USH1G: variants seen among roughly 807,000 people sequenced by gnomAD.
USH1G encodes pre-mRNA splicing regulator USH1G.
USH1G carries 27 observed loss-of-function variants against 31.9 expected under a neutral mutation model. The observed-to-expected ratio is 0.85, with a 90% CI of 0.62 to 1.17. USH1G has a LOEUF of 1.17. Among genes scored for constraint, USH1G ranks in the 50% most tolerant of loss-of-function variants. USH1G has a pLI of 0.00. For synonymous variants in USH1G, 266 were observed against 283.2 expected (o/e 0.94, Z 0.61); for missense variants, 674 against 638.9 (o/e 1.05, Z -0.59).
chr17:74,916,980 C>T lies in USH1G; in HGVS notation c.*1093G>A, dbSNP rs690566. The T allele has an allele frequency of 0.8, 120,329 of 150,314 alleles. 48,376 individuals carry two copies. Among genetic ancestry groups the T allele is most frequent in the African/African-American group, 0.95 (38,889 of 41,146 alleles). The allele number at this position is 150,314 out of a possible 1,614,324, so 9.3% of individuals were successfully genotyped here. A position where few individuals can be genotyped will look rare whatever the true frequency, so the allele number is the denominator to read the frequency against. ...GCACGCGTTCACGTGCACACACACG[C>T]ACACATGTATGCAAGAACACACACA... On this transcript the variant is annotated 3_prime_UTR_variant, in exon 3 of 3. Coordinates refer to ENST00000614341, the MANE Select transcript of USH1G (RefSeq NM_173477.5).
chr17:74,922,919 A>G lies in USH1G; in HGVS notation c.155T>C (p.Val52Ala). The change falls in exon 1 of 3, where the codon GTG (valine) becomes GCG (alanine). Residue 52 changes from valine (V) to alanine (A), a missense_variant. Coordinates refer to ENST00000614341, the MANE Select transcript of USH1G (RefSeq NM_173477.5). The stretch of plus-strand genomic sequence containing the variant: ...GGTGGGGCGTACTCACCCGCGGCTC[A>G]CAATGAGACGCAGCGACTCGAGGTT... Reference protein sequence around the residue: ...HGNLESLRLIVSRGGDPDKCD... With the variant: ...HGNLESLRLIASRGGDPDKCD... 2 of 1,546,492 alleles carry G rather than the reference A, an allele frequency of 1.3e-6. No individual in the cohort carries two copies. The highest frequency in any genetic ancestry group is 1.2e-5 in the South Asian group (1 of 83,912).
rs1458101309 is a variant in USH1G, at chr17:74,923,022, TGAG to T, written c.49_51del (p.Leu17del). 1 of 1,581,424 alleles carries T rather than the reference TGAG, an allele frequency of 6.3e-7. No homozygotes were observed. The highest frequency in any genetic ancestry group is 2.3e-5 in the East Asian group (1 of 43,412). On this transcript the variant is annotated inframe_deletion, in exon 1 of 3. Coordinates refer to ENST00000614341, the MANE Select transcript of USH1G (RefSeq NM_173477.5). The surrounding 1 kb of genome is among the most constrained non-coding windows in gnomAD (Gnocchi z 5.3). ...TTCAGCTCCTTTCGGGTGGCCTCCTTGAGGAGCTCCAGGTAGCCATCCCGGGCT... is the reference window on the plus strand; with the variant it reads ...TTCAGCTCCTTTCGGGTGGCCTCCTTGAGCTCCAGGTAGCCATCCCGGGCT...
rs1003386408 is a variant in USH1G, at chr17:74,921,342, A to C, written c.165-671T>G. On this transcript the variant is annotated intron_variant, in intron 1 of 2. Coordinates refer to ENST00000614341, the MANE Select transcript of USH1G (RefSeq NM_173477.5). The surrounding 1 kb of genome is among the most constrained non-coding windows in gnomAD (Gnocchi z 4.6). Reference sequence around the variant, plus strand: ...GGGAAATCAGCTGCCCGTGCTCCGAAGCCCTCCCTTCCCTAGGTTGCCCCC... The same window carrying C: ...GGGAAATCAGCTGCCCGTGCTCCGACGCCCTCCCTTCCCTAGGTTGCCCCC... 3.3e-5 allele frequency among the ~76,000 whole-genome samples: 5 copies of C among 151,970 alleles called. No homozygotes were observed. Among genetic ancestry groups the C allele is most frequent in the Non-Finnish European group, 7.4e-5 (5 of 67,946 alleles).
chr17:74,918,379 G>A lies in USH1G; in HGVS notation c.1383-303C>T, dbSNP rs2038891424. On this transcript the variant is annotated intron_variant, in intron 2 of 2. Coordinates refer to ENST00000614341, the MANE Select transcript of USH1G (RefSeq NM_173477.5). The surrounding 1 kb of genome is among the most constrained non-coding windows in gnomAD (Gnocchi z 4.1). ...TTGGGGAGGGGCCAGGGCAGGGGCT[G>A]GCCACAGCATGACCATTGTGGTGGC... 6.6e-6 allele frequency among the ~76,000 whole-genome samples: 1 copy of A among 152,206 alleles called. No individual in the cohort carries two copies. Among genetic ancestry groups the A allele is most frequent in the African/African-American group, 2.4e-5 (1 of 41,454 alleles).
At position 74,919,907 on chromosome 17, in the gene USH1G, G is replaced by A. The variant is rs770784474; in HGVS notation, c.929C>T (p.Pro310Leu). 1.9e-6 allele frequency: 3 copies of A among 1,613,236 alleles called. No individual in the cohort carries two copies. Among genetic ancestry groups the A allele is most frequent in the South Asian group, 1.1e-5 (1 of 91,084 alleles). The change falls in exon 2 of 3, where the codon CCC (proline) becomes CTC (leucine). Residue 310 changes from proline to leucine, a missense_variant. Coordinates refer to ENST00000614341, the MANE Select transcript of USH1G (RefSeq NM_173477.5). This position sits in a 1 kb window ranked among gnomAD's most constrained non-coding sequence, Gnocchi z 4.5. ...GCGGAACACCATGGTGCCCAGGCCG[G>A]GGCGGGTAAACAGGGAGTCGTGGCC... ...DSGHDSLFTR[P>L]GLGTMVFRRN...
rs1018348754 is a variant in USH1G, at chr17:74,918,624, C to T, written c.1383-548G>A. 3.6e-4 allele frequency among the ~76,000 whole-genome samples: 55 copies of T among 152,240 alleles called. No individual in the cohort carries two copies. The highest frequency in any genetic ancestry group is 3.5e-3 in the Admixed American group (53 of 15,288). ...TTGAGGTCAGGAGTTCGAGACCAGC[C>T]TGGCCAACATGGCAAAACCCCATCT... is the stretch of plus-strand genomic sequence containing the variant. On this transcript the variant is annotated intron_variant, in intron 2 of 2. Coordinates refer to ENST00000614341, the MANE Select transcript of USH1G (RefSeq NM_173477.5). The surrounding 1 kb of genome is among the most constrained non-coding windows in gnomAD (Gnocchi z 4.1).
chr17:74,920,578 G>A lies in USH1G; in HGVS notation c.258C>T (p.Ser86=). 1 of 1,613,842 alleles carries A rather than the reference G, an allele frequency of 6.2e-7. No homozygotes were observed. The change falls in exon 2 of 3, where the codon TCC becomes TCT. Residue 86 remains serine (S), a synonymous_variant. Transcript: ENST00000614341. The surrounding 1 kb of genome is among the most constrained non-coding windows in gnomAD (Gnocchi z 5.2). ...GHLHCLSFLV[S]FGANIWCLDN... ...CTAGGCACCAGATGTTGGCTCCGAAGGACACCAGGAAGGACAGGCAGTGCA... is the reference window on the plus strand; with the variant it reads ...CTAGGCACCAGATGTTGGCTCCGAAAGACACCAGGAAGGACAGGCAGTGCA...
Position 74,921,782 on chromosome 17 carries a change from G to A in USH1G, c.165-1111C>T, listed in dbSNP as rs2038945967. Among the ~76,000 whole-genome samples, 1 of 152,170 alleles carries A rather than the reference G, an allele frequency of 6.6e-6. No homozygotes were observed. The highest frequency in any genetic ancestry group is 1.5e-5 in the Non-Finnish European group (1 of 68,024). ...CTCTCATGAGCCTCTCTGAAGGGAT[G>A]GCAGGGACAGTGTCACTGTGTGCCC... On this transcript the variant is annotated intron_variant, in intron 1 of 2. Coordinates refer to ENST00000614341, the MANE Select transcript of USH1G (RefSeq NM_173477.5). The surrounding 1 kb of genome is among the most constrained non-coding windows in gnomAD (Gnocchi z 4.6).
In USH1G at chr17:74,920,741, G is replaced by A. The variant is rs891796635; in HGVS notation, c.165-70C>T. ...GGGGATGGAGGTGGAGGGAGTGGAGGGGGGAGGGGAGCTTCCCCACTGTCA... is the reference window on the plus strand; with the variant it reads ...GGGGATGGAGGTGGAGGGAGTGGAGAGGGGAGGGGAGCTTCCCCACTGTCA... On this transcript the variant is annotated intron_variant, in intron 1 of 2. Transcript: ENST00000614341. The surrounding 1 kb of genome is among the most constrained non-coding windows in gnomAD (Gnocchi z 5.2). 3 of 1,592,598 alleles carry A rather than the reference G, an allele frequency of 1.9e-6. No homozygotes were observed. Among genetic ancestry groups the A allele is most frequent in the East Asian group, 2.3e-5 (1 of 44,386 alleles).
rs1036463050 is a variant in USH1G, at chr17:74,921,256, C to T, written c.165-585G>A. On this transcript the variant is annotated intron_variant, in intron 1 of 2. Coordinates refer to ENST00000614341, the MANE Select transcript of USH1G (RefSeq NM_173477.5). This position sits in a 1 kb window ranked among gnomAD's most constrained non-coding sequence, Gnocchi z 4.6. ...CAAGCCCGAGTGTGAGAGGAGGTGT[C>T]GGGCCTTGGCCTGGGCGGGGAGGGG... 2.0e-5 allele frequency among the ~76,000 whole-genome samples: 3 copies of T among 150,850 alleles called. No homozygotes were observed. The South Asian group carries it at 6.3e-4, about 32-fold the overall frequency.
At position 74,918,338 on chromosome 17, in the gene USH1G, G is replaced by A. The variant is rs2038891042; in HGVS notation, c.1383-262C>T. ...GAGGAAATGAGGACAAAGTTTGTTG[G>A]GCCTGTGGGATGCCATTGGGGAGGG... is the stretch of plus-strand genomic sequence containing the variant. On this transcript the variant is annotated intron_variant, in intron 2 of 2. Coordinates refer to ENST00000614341, the MANE Select transcript of USH1G (RefSeq NM_173477.5). This position sits in a 1 kb window ranked among gnomAD's most constrained non-coding sequence, Gnocchi z 4.1. Among the ~76,000 whole-genome samples, 1 of 152,146 alleles carries A rather than the reference G, an allele frequency of 6.6e-6. No individual in the cohort carries two copies. Among genetic ancestry groups the A allele is most frequent in the Non-Finnish European group, 1.5e-5 (1 of 68,014 alleles).
chr17:74,922,062 G>C (rs978374628), intron 1 of USH1G, among the ~76,000 whole-genome samples: 5 of 152,184 alleles, frequency 3.3e-5, no homozygotes, highest in Admixed American at 1.3e-4. Flanking sequence ...TGTCCAGGCT[G>C]CCCTGATGCC....
rs1325604349 is a variant in USH1G, at chr17:74,916,401, C to T, written c.*1672G>A. ...AGGACAGGGACCATCTCCTCCATGC[C>T]CCCTACTCTGGGCACATGTGTGGGA... On this transcript the variant is annotated 3_prime_UTR_variant, in exon 3 of 3. Coordinates refer to ENST00000614341, the MANE Select transcript of USH1G (RefSeq NM_173477.5). The T allele has an allele frequency of 6.6e-6, 1 of 152,230 alleles. No homozygotes were observed. Among genetic ancestry groups the T allele is most frequent in the Non-Finnish European group, 1.5e-5 (1 of 68,102 alleles). The allele number at this position is 152,230 out of a possible 1,614,324, so 9.4% of individuals were successfully genotyped here.
chr17:74,918,162 C>T lies in USH1G; in HGVS notation c.1383-86G>A. 1.9e-6 allele frequency: 3 copies of T among 1,573,958 alleles called. No individual in the cohort carries two copies. In the South Asian group the frequency reaches 3.4e-5, roughly 18 times the overall value. ...TCACCCAGGGCAGCCATCTGGACAA[C>T]TTAGCCTCCCCATCTCTCGGCAGGC... On this transcript the variant is annotated intron_variant, in intron 2 of 2. Coordinates refer to ENST00000614341, the MANE Select transcript of USH1G (RefSeq NM_173477.5). The surrounding 1 kb of genome is among the most constrained non-coding windows in gnomAD (Gnocchi z 4.1).
rs756461951 is a variant in USH1G, at chr17:74,920,541, G to A, written c.295C>T (p.His99Tyr). Residue 99 changes from histidine (H) to tyrosine (Y), a missense_variant, in exon 2 of 3, where the codon CAC (histidine) becomes TAC (tyrosine). Transcript: ENST00000614341. This position sits in a 1 kb window ranked among gnomAD's most constrained non-coding sequence, Gnocchi z 5.2. ...ANIWCLDNDY[H>Y]TPLDMAAMKG... ...ATGGCAGCCATGTCCAGCGGCGTGT[G>A]GTAGTCGTTGTCTAGGCACCAGATG... The A allele has an allele frequency of 1.9e-6, 3 of 1,613,750 alleles. No homozygotes were observed. The highest frequency in any genetic ancestry group is 2.5e-6 in the Non-Finnish European group (3 of 1,180,044).
At chr17:74,922,221 C>T (rs1006249077) in intron 1 of USH1G, among the ~76,000 whole-genome samples, 1 of 152,110 alleles carries the variant, frequency 6.6e-6, no homozygotes, top group Non-Finnish European at 1.5e-5. Context: ...CTGGCACTGA[C>T]ACCTGCACTG....
Position 74,920,272 on chromosome 17 carries a change from G to T in USH1G, c.564C>A (p.Arg188=), listed in dbSNP as rs1258150376. 4 of 1,603,398 alleles carry T rather than the reference G, an allele frequency of 2.5e-6. No homozygotes were observed. Among genetic ancestry groups the T allele is most frequent in the Non-Finnish European group, 2.5e-6 (3 of 1,179,194 alleles). ...FSSLTSSTLS[R]RLQHLALGSH... ...TGCCCAGCGCCAGATGCTGCAGCCG[G>T]CGGCTCAGGGTGCTGGACGTGAGGC... Residue 188 remains arginine, a synonymous_variant, in exon 2 of 3, where the codon CGC becomes CGA. Coordinates refer to ENST00000614341, the MANE Select transcript of USH1G (RefSeq NM_173477.5). This position sits in a 1 kb window ranked among gnomAD's most constrained non-coding sequence, Gnocchi z 5.2.
rs2038966562 is a variant in USH1G at position 74,923,115 on chromosome 17, G to A, written c.-42C>T. On this transcript the variant is annotated 5_prime_UTR_variant, in exon 1 of 3. Transcript: ENST00000614341. The surrounding 1 kb of genome is among the most constrained non-coding windows in gnomAD (Gnocchi z 5.3). The stretch of plus-strand genomic sequence containing the variant: ...GGGGCGGGCGGGGGACACGGAGAAA[G>A]GCCCCCCGCAGGGGAGGGCGGCGGT... 2 of 1,532,188 alleles carry A rather than the reference G, an allele frequency of 1.3e-6. No homozygotes were observed. Among genetic ancestry groups the A allele is most frequent in the Non-Finnish European group, 1.8e-6 (2 of 1,133,340 alleles). The allele number at this position is 1,532,188 out of a possible 1,614,324, so 94.9% of individuals were successfully genotyped here.
In USH1G at chr17:74,918,221, G is replaced by A; in HGVS notation, c.1383-145C>T. Reference sequence around the variant, plus strand: ...AGGGATGGGGGACGCCAGCCTATGGGTGACCTCCCCATCCCCAAAACTCTG... The same window carrying A: ...AGGGATGGGGGACGCCAGCCTATGGATGACCTCCCCATCCCCAAAACTCTG... On this transcript the variant is annotated intron_variant, in intron 2 of 2. Coordinates refer to ENST00000614341, the MANE Select transcript of USH1G (RefSeq NM_173477.5). This position sits in a 1 kb window ranked among gnomAD's most constrained non-coding sequence, Gnocchi z 4.1. 8.9e-7 allele frequency: 1 copy of A among 1,121,456 alleles called. No individual in the cohort carries two copies. Among genetic ancestry groups the A allele is most frequent in the Non-Finnish European group, 1.3e-6 (1 of 761,052 alleles). 69.5% of individuals were successfully genotyped at this position (1,121,456 alleles called of 1,614,324 possible).
Sources: allele counts gnomAD v4.1 joint callset (sites outside exome capture counted in the v4.1 genomes callset), GRCh38; gene constraint gnomAD v4.1.1; non-coding constraint Gnocchi (gnomAD v3.1); transcripts MANE v1.5; gene names NCBI Gene and HGNC (gene_info 2026-07-23, HGNC 2026-07-21).